Variants in NXN observed in about 807,000 individuals in gnomAD.
NXN encodes nucleoredoxin, also known as nucleoredoxin 1.
NXN carries 16 observed loss-of-function variants against 48.6 expected under a neutral mutation model. The ratio of observed to expected loss-of-function variants is 0.33; its 90% CI spans 0.22 to 0.50. The LOEUF is 0.50. Ranked by LOEUF, NXN falls within the 20% of genes least tolerant of loss-of-function variation. The probability of loss-of-function intolerance (pLI) is 0.98; values close to 1 mark genes in which losing one functional copy is unlikely to be tolerated. For synonymous variants in NXN, 281 were observed against 269.6 expected, an observed-to-expected ratio of 1.04 and a Z score of -0.41; for missense variants, 492 against 605.5, an observed-to-expected ratio of 0.81 and a Z score of 1.97.
chr17:841,954 T>C (rs150206820), intron 1 of NXN, among the ~76,000 whole-genome samples: 17 of 152,150 alleles, frequency 1.1e-4, no homozygotes, highest in Admixed American at 3.9e-4. Flanking sequence ...CTGGTCAACA[T>C]GGTGAAATCT....
rs947500879 is a variant in NXN at position 956,220 on chromosome 17, C to A, written c.360+23099G>T. Reference sequence around the variant, plus strand: ...CCTTCAACTCTCCATCCAAACCATTCATTCTTTCTTTCAATAAACACGGTG... The same window carrying A: ...CCTTCAACTCTCCATCCAAACCATTAATTCTTTCTTTCAATAAACACGGTG... On this transcript the variant is annotated intron_variant, in intron 1 of 7. Transcript: ENST00000336868. This position sits in a 1 kb window ranked among gnomAD's most constrained non-coding sequence, Gnocchi z 4.1. Among the ~76,000 whole-genome samples, 3 of 152,132 alleles carry A rather than the reference C, an allele frequency of 2.0e-5. No individual in the cohort carries two copies. The highest frequency in any genetic ancestry group is 7.2e-5 in the African/African-American group (3 of 41,444).
At chr17:858,085 C>T (rs2068004502) in intron 1 of NXN, among the ~76,000 whole-genome samples, 1 of 151,990 alleles carries the variant, frequency 6.6e-6, no homozygotes, top group South Asian at 2.1e-4. Flanking sequence ...ATCCTCCCAC[C>T]CCAGCCTCCC....
intron 1 of NXN, among the ~76,000 whole-genome samples, chr17:941,967 A>C (rs1329746861): frequency 6.4e-5 from 3 of 46,862 alleles, no homozygotes; most frequent in East Asian, 5.3e-4. Flanking sequence ...GAATTCACCA[A>C]ACACCTCCCT....
chr17:807,842 C>G lies in NXN; in HGVS notation c.821-2595G>C, dbSNP rs1308533383. Among the ~76,000 whole-genome samples, 3 of 152,368 alleles carry G rather than the reference C, an allele frequency of 2.0e-5. No individual in the cohort carries two copies. The East Asian group carries it at 5.8e-4, about 29-fold the overall frequency. On this transcript the variant is annotated intron_variant, in intron 5 of 7. Coordinates refer to ENST00000336868, the MANE Select transcript of NXN (RefSeq NM_022463.5). ...AGTGCACATCCCTCCAAAGGTGAACCAGGGGCGGGAAACGGAACTGGCTTC... is the reference window on the plus strand; with the variant it reads ...AGTGCACATCCCTCCAAAGGTGAACGAGGGGCGGGAAACGGAACTGGCTTC...
At chr17:868,557 T>A (rs899224794) in intron 1 of NXN, among the ~76,000 whole-genome samples, 2 of 152,214 alleles carry the variant, frequency 1.3e-5, no homozygotes, top group African/African-American at 4.8e-5. Context: ...AGTGATGCGA[T>A]CTCTGCTTAC....
intron 1 of NXN, among the ~76,000 whole-genome samples, chr17:922,842 G>A (rs994359783): frequency 1.3e-5 from 2 of 151,938 alleles, no homozygotes; most frequent in African/African-American, 4.8e-5. Context: ...TAGTAGAGAC[G>A]GGGTTTCACC....
chr17:944,029 G>A (rs1256783024), intron 1 of NXN, among the ~76,000 whole-genome samples: 1 of 152,014 alleles, frequency 6.6e-6, no homozygotes, highest in East Asian at 1.9e-4. Flanking sequence ...CCTGAGGTCA[G>A]GGGTTCGAGA....
chr17:810,046 G>A (rs112814133), intron 5 of NXN, among the ~76,000 whole-genome samples: 1,685 of 135,594 alleles, frequency 0.012, 14 homozygotes, highest in African/African-American at 0.041. Flanking sequence ...TGTGAGTGGC[G>A]TGCACGTTAC....
intron 1 of NXN, among the ~76,000 whole-genome samples, chr17:905,919 G>A (rs2068577444): frequency 6.6e-6 from 1 of 151,468 alleles, no homozygotes; most frequent in Non-Finnish European, 1.5e-5. Flanking sequence ...AGAGGTCGCA[G>A]TGAGCCACAA....
At chr17:848,519 G>A (rs2067889716) in intron 1 of NXN, among the ~76,000 whole-genome samples, 1 of 152,228 alleles carries the variant, frequency 6.6e-6, no homozygotes, top group African/African-American at 2.4e-5. Flanking sequence ...CCAGGTTCGT[G>A]CCTGGTCATT....
chr17:896,616 C>T (rs1273559241), intron 1 of NXN, among the ~76,000 whole-genome samples: 1 of 152,248 alleles, frequency 6.6e-6, no homozygotes, highest in Non-Finnish European at 1.5e-5. Context: ...CGTGTTTCAA[C>T]TTCGCTTTAA....
At chr17:896,856 C>CGGGGGGGGGGGGGGGGGGG in intron 1 of NXN, 3 of 1,156,932 alleles carry the variant, frequency 2.6e-6, no homozygotes, top group Non-Finnish European at 2.2e-6. Flanking sequence ...CGGTCCTGAC[C>CGGGGGGGGGGGGGGGGGGG]ACCCGCCCCC....
At chr17:896,980 GA>G in intron 1 of NXN, 3 of 1,174,358 alleles carry the variant, frequency 2.6e-6, no homozygotes, top group Non-Finnish European at 3.2e-6. Flanking sequence ...CCTCTCCTAG[GA>G]AAGTCCCCGC....
At chr17:841,112 C>T (rs940478552) in intron 1 of NXN, among the ~76,000 whole-genome samples, 5 of 152,200 alleles carry the variant, frequency 3.3e-5, no homozygotes, top group Admixed American at 2.6e-4. Flanking sequence ...CTGGGGGGCA[C>T]CTCCCTGCTA....
chr17:874,613 G>A (rs1221760643), intron 1 of NXN, among the ~76,000 whole-genome samples: 2 of 150,846 alleles, frequency 1.3e-5, no homozygotes, highest in African/African-American at 4.9e-5. Context: ...ACCCAGTCTT[G>A]TTATGTCCTT....
chr17:870,044 G>A (rs555181415), intron 1 of NXN, among the ~76,000 whole-genome samples: 23 of 152,226 alleles, frequency 1.5e-4, no homozygotes, highest in African/African-American at 5.1e-4. Context: ...GTCACATTGC[G>A]GGGTGGAGTG....
chr17:844,613 C>CTCCT (rs1474519872), intron 1 of NXN, among the ~76,000 whole-genome samples: 1 of 151,786 alleles, frequency 6.6e-6, no homozygotes, highest in African/African-American at 2.4e-5. Context: ...GAGATGGAGT[C>CTCCT]TCCTTCTGTC....
In NXN at chr17:979,682, G is replaced by A; in HGVS notation, c.-4C>T. 1 of 1,444,114 alleles carries A rather than the reference G, an allele frequency of 6.9e-7. No homozygotes were observed. The highest frequency in any genetic ancestry group is 2.9e-5 in the East Asian group (1 of 34,548). The allele number at this position is 1,444,114 out of a possible 1,614,324, so 89.5% of individuals were successfully genotyped here. On this transcript the variant is annotated 5_prime_UTR_variant, in exon 1 of 8. Transcript: ENST00000336868. ...GCTCCTCCAGGAAGCCCGACATCCT[G>A]GCCCACCGCAGGGCGGGCAGGCGGC...
intron 1 of NXN, among the ~76,000 whole-genome samples, chr17:874,720 G>A (rs532679061): frequency 7.4e-4 from 111 of 150,592 alleles, no homozygotes; most frequent in African/African-American, 2.6e-3. Context: ...GCGAGACTCT[G>A]TCTCAAATAA....
Sources: gnomAD v4.1 joint callset for allele counts (sites outside exome capture counted in the v4.1 genomes callset) on GRCh38, gnomAD v4.1.1 for gene constraint, Gnocchi (gnomAD v3.1) non-coding constraint, MANE v1.5 for transcripts, NCBI Gene and HGNC (gene_info 2026-07-23, HGNC 2026-07-21) for gene names.